SEC31A: variants seen among roughly 807,000 people sequenced by gnomAD.
SEC31A encodes the protein protein transport protein Sec31A.
A neutral mutation model predicts 151.0 loss-of-function variants in SEC31A; 70 were observed. The observed-to-expected ratio is 0.46, with a 90% confidence interval of 0.38 to 0.57. SEC31A has a LOEUF of 0.57. SEC31A is among the 20% of genes least tolerant of loss of function. The pLI is 0.00. For missense variants in SEC31A, 1,330 were observed against 1,471.2 expected (o/e 0.90, Z 1.57); for synonymous variants, 475 against 505.9 (o/e 0.94, Z 0.82).
rs1300340379 is a variant in SEC31A at position 82,826,219 on chromosome 4, CTT to C, written c.3291+1148_3291+1149del. ...TCCCAAAATAACACAGGCTTATAAT[CTT>C]TTTTATTTTTTTTTAAATACAACTC... On this transcript the variant is annotated intron_variant, in intron 24 of 26. Transcript: ENST00000395310. Among the ~76,000 whole-genome samples the C allele has an allele frequency of 6.6e-5, 10 of 151,978 alleles. No individual in the cohort carries two copies. The South Asian group carries it at 2.1e-3, about 32-fold the overall frequency.
chr4:82,840,985 A>G (rs1728598686), intron 22 of SEC31A, among the ~76,000 whole-genome samples: 1 of 152,220 alleles, frequency 6.6e-6, no homozygotes, highest in Non-Finnish European at 1.5e-5. Context: ...AAATTTATTT[A>G]AAATTATTTT....
intron 4 of SEC31A, among the ~76,000 whole-genome samples, chr4:82,876,457 T>C (rs1289318596): frequency 6.6e-6 from 1 of 152,218 alleles, no homozygotes; most frequent in East Asian, 1.9e-4. Flanking sequence ...TTACTGTTTG[T>C]ATCTTTGCAT....
intron 22 of SEC31A, among the ~76,000 whole-genome samples, chr4:82,834,287 C>T (rs1279314113): frequency 1.3e-5 from 2 of 152,192 alleles, no homozygotes; most frequent in African/African-American, 4.8e-5. Context: ...ACACAGTGGG[C>T]TTGACCCTTT....
intron 18 of SEC31A, among the ~76,000 whole-genome samples, chr4:82,852,680 T>A (rs1731714201): frequency 6.6e-6 from 1 of 152,228 alleles, no homozygotes; most frequent in Admixed American, 6.5e-5. Context: ...AAAATTATCA[T>A]AAGCCTCTTT....
At chr4:82,868,780 T>G (rs1332422326) in intron 8 of SEC31A, among the ~76,000 whole-genome samples, 1 of 151,358 alleles carries the variant, frequency 6.6e-6, no homozygotes, top group African/African-American at 2.4e-5. Flanking sequence ...ATTGGAGTCT[T>G]GACCTCCTGG....
At chr4:82,830,338 G>A (rs1725649008) in intron 22 of SEC31A, among the ~76,000 whole-genome samples, 2 of 152,174 alleles carry the variant, frequency 1.3e-5, no homozygotes, top group African/African-American at 2.4e-5. Context: ...GTGCATGCCT[G>A]TAGTCTCAGC....
At chr4:82,865,032 A>C (rs779758463) in intron 10 of SEC31A, among the ~76,000 whole-genome samples, 7 of 152,108 alleles carry the variant, frequency 4.6e-5, no homozygotes, top group African/African-American at 1.7e-4. Flanking sequence ...GATAGAGAAG[A>C]CCAGATAGGA....
At chr4:82,839,384 C>A (rs1011929689) in intron 22 of SEC31A, among the ~76,000 whole-genome samples, 1 of 152,320 alleles carries the variant, frequency 6.6e-6, no homozygotes, top group Admixed American at 6.5e-5. Context: ...CTCCTGACCT[C>A]AGGTGATCCG....
At chr4:82,848,310 G>T (rs1730673252) in intron 20 of SEC31A, among the ~76,000 whole-genome samples, 3 of 41,224 alleles carry the variant, frequency 7.3e-5, no homozygotes, top group South Asian at 2.0e-3. Flanking sequence ...TATCTAAATT[G>T]TCCAAAAAAA....
chr4:82,876,120 T>C (rs1200200945), intron 4 of SEC31A, among the ~76,000 whole-genome samples: 1 of 150,602 alleles, frequency 6.6e-6, no homozygotes, highest in Non-Finnish European at 1.5e-5. Context: ...TTTTTTTTTT[T>C]TTTTTTTGAG....
chr4:82,890,837 CA>C (rs1470172738), intron 1 of SEC31A: 2 of 1,327,272 alleles, frequency 1.5e-6, no homozygotes, highest in African/African-American at 3.1e-5. Flanking sequence ...ACACTGTCGC[CA>C]GCCTCGGGTG....
At chr4:82,842,839 C>T (rs1054600715) in intron 21 of SEC31A, 7 of 183,612 alleles carry the variant, frequency 3.8e-5, no homozygotes, top group African/African-American at 1.7e-4. Context: ...ATTCAAAGCA[C>T]CCCACTTCAC....
intron 6 of SEC31A, among the ~76,000 whole-genome samples, chr4:82,873,196 A>G (rs1246531994): frequency 6.6e-6 from 1 of 152,018 alleles, no homozygotes; most frequent in Non-Finnish European, 1.5e-5. Flanking sequence ...CATCTCTACT[A>G]AAAATACAAA....
intron 3 of SEC31A, among the ~76,000 whole-genome samples, chr4:82,879,184 G>A (rs968958868): frequency 6.6e-6 from 1 of 152,082 alleles, no homozygotes; most frequent in African/African-American, 2.4e-5. Flanking sequence ...ATATACTTGA[G>A]TTGTGTGTCA....
intron 16 of SEC31A, 110 bp downstream of exon 16, chr4:82,856,842 C>A: frequency 2.2e-6 from 2 of 902,462 alleles, no homozygotes; most frequent in Non-Finnish European, 3.3e-6. Flanking sequence ...TATGAATGAG[C>A]TTTTAAAATT....
At chr4:82,864,226 GCTT>G in intron 11 of SEC31A, 133 bp downstream of exon 11, 1 of 661,808 alleles carries the variant, frequency 1.5e-6, no homozygotes. Context: ...TCTTTATAAG[GCTT>G]CTTAATTTCA....
chr4:82,867,834 C>T (rs1273479270), intron 8 of SEC31A, among the ~76,000 whole-genome samples: 1 of 152,194 alleles, frequency 6.6e-6, no homozygotes, highest in Non-Finnish European at 1.5e-5. Context: ...CGTTTCACCA[C>T]GTTGGCCAGG....
intron 3 of SEC31A, chr4:82,897,946 T>C (rs1475943770): frequency 6.6e-6 from 1 of 152,214 alleles, no homozygotes; most frequent in African/African-American, 2.4e-5. Flanking sequence ...ACTGCTATAG[T>C]TCCAGGAATA....
chr4:82,837,880 C>T (rs1245381877), intron 22 of SEC31A, among the ~76,000 whole-genome samples: 1 of 152,152 alleles, frequency 6.6e-6, no homozygotes, highest in Non-Finnish European at 1.5e-5. Context: ...GGCTAAGATA[C>T]TTTTCAGTGG....
Sources: allele counts gnomAD v4.1 joint callset (sites outside exome capture counted in the v4.1 genomes callset), GRCh38; gene constraint gnomAD v4.1.1; transcripts MANE v1.5; gene names NCBI Gene and HGNC (gene_info 2026-07-23, HGNC 2026-07-21).